The following BTBD9 variants were observed in gnomAD, a reference collection of about 807,000 sequenced individuals.
The protein encoded by BTBD9 is BTB domain containing 9.
A neutral mutation model predicts 64.3 loss-of-function variants in BTBD9; 49 were observed. The observed-to-expected ratio is 0.76, with a 90% CI of 0.61 to 0.97. BTBD9 has a LOEUF of 0.97. Ranked by LOEUF, BTBD9 falls within the 50% of genes least tolerant of loss-of-function variation. The pLI, the probability that BTBD9 is intolerant of heterozygous loss-of-function variation, is 0.00. For synonymous variants in BTBD9, 260 were observed against 274.7 expected (o/e 0.95, Z 0.53); for missense variants, 598 against 762.1 (o/e 0.78, Z 2.53).
chr6:38,456,752 G>A (rs1769829417), intron 6 of BTBD9, among the ~76,000 whole-genome samples: 1 of 151,968 alleles, frequency 6.6e-6, no homozygotes, highest in Non-Finnish European at 1.5e-5. Context: ...TATATTTTGG[G>A]TATAAACCCT....
intron 6 of BTBD9, among the ~76,000 whole-genome samples, chr6:38,495,334 A>G (rs905752585): frequency 9.8e-5 from 15 of 152,348 alleles, no homozygotes; most frequent in African/African-American, 3.6e-4. Context: ...GGAGATCTTC[A>G]AAGAATGTTA....
intron 6 of BTBD9, among the ~76,000 whole-genome samples, chr6:38,429,632 G>C (rs962647364): frequency 6.6e-6 from 1 of 151,832 alleles, no homozygotes; most frequent in African/African-American, 2.4e-5. Context: ...CTACAGTGTT[G>C]CTCCAATTTT....
chr6:38,188,775 G>A (rs1761928439), intron 10 of BTBD9, among the ~76,000 whole-genome samples: 1 of 152,184 alleles, frequency 6.6e-6, no homozygotes, highest in Admixed American at 6.5e-5. Context: ...TCATGAAGGT[G>A]AAACCCCCGT....
intron 6 of BTBD9, among the ~76,000 whole-genome samples, chr6:38,554,854 C>T (rs17614684): frequency 0.11 from 16,894 of 152,230 alleles, 1,009 homozygotes; most frequent in Middle Eastern, 0.19. Flanking sequence ...GCTGTTGCAG[C>T]GGAGCCTGCC....
chr6:38,594,470 T>A, intron 2 of BTBD9, 143 bp from the exon 3 acceptor site: 1 of 995,706 alleles, frequency 1.0e-6, no homozygotes, highest in South Asian at 1.9e-5. Context: ...AAAGTAATCA[T>A]TTAAAATGGT....
chr6:38,572,777 C>T (rs1162522556), intron 6 of BTBD9, among the ~76,000 whole-genome samples: 1 of 142,682 alleles, frequency 7.0e-6, no homozygotes, highest in African/African-American at 2.6e-5. Flanking sequence ...AAAAAAAAAA[C>T]AAGTAGTGGA....
At position 38,308,516 on chromosome 6, in the gene BTBD9, A is replaced by G. The variant is rs141503722; in HGVS notation, c.1265-20055T>C. Among the ~76,000 whole-genome samples, 36 of 152,376 alleles carry G rather than the reference A, an allele frequency of 2.4e-4. No homozygotes were observed. In the Middle Eastern group the frequency reaches 0.01, roughly 43 times the overall value. On this transcript the variant is annotated intron_variant, in intron 7 of 10. Coordinates refer to ENST00000481247, the MANE Select transcript of BTBD9 (RefSeq NM_001099272.2). ...GGCATCTTTTTCTGTGAGTAGTATC[A>G]TAAGTTTCACATGAATTTATTTTTC...
At chr6:38,504,577 T>C (rs1324952672) in intron 6 of BTBD9, 1 of 456,614 alleles carries the variant, frequency 2.2e-6, no homozygotes, top group Non-Finnish European at 4.4e-6. Flanking sequence ...GGGTGAAATG[T>C]GGATTTTTTT....
intron 6 of BTBD9, 146 bp from the exon 7 acceptor site, chr6:38,345,239 T>C (rs1259978704): frequency 2.0e-6 from 1 of 498,900 alleles, no homozygotes; most frequent in Admixed American, 3.1e-5. Context: ...TCAGACTCTA[T>C]ATCTGCTCCT....
rs553814531 is a variant in BTBD9, at chr6:38,216,936, A to G, written c.1563-24339T>C. Among the ~76,000 whole-genome samples the G allele has an allele frequency of 3.3e-5, 5 of 152,214 alleles. No homozygotes were observed. The South Asian group carries it at 8.3e-4, about 25-fold the overall frequency. Reference sequence around the variant, plus strand: ...CCTTGGGGTTTCAGATTCAGTAGGTAGGAGAGGTGGGGCCTGAGAAGTTGC... The same window carrying G: ...CCTTGGGGTTTCAGATTCAGTAGGTGGGAGAGGTGGGGCCTGAGAAGTTGC... On this transcript the variant is annotated intron_variant, in intron 9 of 10. Coordinates refer to ENST00000481247, the MANE Select transcript of BTBD9 (RefSeq NM_001099272.2).
chr6:38,291,070 G>T (rs953916922), intron 7 of BTBD9, among the ~76,000 whole-genome samples: 2 of 152,098 alleles, frequency 1.3e-5, no homozygotes, highest in Non-Finnish European at 2.9e-5. Context: ...TTTCTTAAAG[G>T]AATACTTGAG....
intron 10 of BTBD9, among the ~76,000 whole-genome samples, chr6:38,176,022 G>A (rs55661673): frequency 0.065 from 9,930 of 152,276 alleles, 1,051 homozygotes; most frequent in African/African-American, 0.22. Context: ...TGCCAACACC[G>A]TGCCAGCACT....
intron 6 of BTBD9, among the ~76,000 whole-genome samples, chr6:38,346,566 A>C (rs1217367138): frequency 6.6e-6 from 1 of 151,668 alleles, no homozygotes; most frequent in African/African-American, 2.4e-5. Context: ...ATTTGGCCCT[A>C]ATCTGTTCCT....
rs939410982 is a variant in BTBD9, at chr6:38,184,973, C to G, written c.1641+7546G>C. Among the ~76,000 whole-genome samples the G allele has an allele frequency of 1.3e-5, 2 of 152,166 alleles. No individual in the cohort carries two copies. The highest frequency in any genetic ancestry group is 2.9e-5 in the Non-Finnish European group (2 of 68,036). Reference sequence around the variant, plus strand: ...AGCCACTTGCAGACTTTCTGTCCTGCTGCTGTCGGCCCATGCAGATGCTCC... The same window carrying G: ...AGCCACTTGCAGACTTTCTGTCCTGGTGCTGTCGGCCCATGCAGATGCTCC... On this transcript the variant is annotated intron_variant, in intron 10 of 10. Transcript: ENST00000481247. The surrounding 1 kb of genome is among the most constrained non-coding windows in gnomAD (Gnocchi z 4.4).
chr6:38,302,518 T>TC (rs1192787835), intron 7 of BTBD9, among the ~76,000 whole-genome samples: 6 of 137,986 alleles, frequency 4.3e-5, no homozygotes, highest in African/African-American at 1.1e-4. Flanking sequence ...TATATATATA[T>TC]ATATATCACA....
At chr6:38,247,262 C>T (rs935224970) in intron 9 of BTBD9, among the ~76,000 whole-genome samples, 1 of 152,114 alleles carries the variant, frequency 6.6e-6, no homozygotes, top group Non-Finnish European at 1.5e-5. Context: ...AACTCTCCAC[C>T]TTTAATTTAT....
At chr6:38,475,839 T>C (rs1770853521) in intron 6 of BTBD9, among the ~76,000 whole-genome samples, 1 of 152,062 alleles carries the variant, frequency 6.6e-6, no homozygotes, top group Non-Finnish European at 1.5e-5. Context: ...ACCCCTGAAA[T>C]GAACACTGAG....
intron 6 of BTBD9, among the ~76,000 whole-genome samples, chr6:38,383,088 G>A (rs781322994): frequency 6.6e-6 from 1 of 152,134 alleles, no homozygotes; most frequent in Non-Finnish European, 1.5e-5. Flanking sequence ...GAAAATTCTA[G>A]TTGACCTCAT....
At chr6:38,599,244 T>C (rs934953597) in intron 1 of BTBD9, among the ~76,000 whole-genome samples, 6 of 152,158 alleles carry the variant, frequency 3.9e-5, no homozygotes, top group Non-Finnish European at 8.8e-5. Context: ...GTTATAGTCT[T>C]AGAAAGCTAA....
Sources: allele counts gnomAD v4.1 joint callset (sites outside exome capture counted in the v4.1 genomes callset), GRCh38; gene constraint gnomAD v4.1.1; non-coding constraint Gnocchi (gnomAD v3.1); transcripts MANE v1.5; gene names NCBI Gene and HGNC (gene_info 2026-07-23, HGNC 2026-07-21).